Variants in SCHIP1 observed in about 807,000 individuals in gnomAD.
SCHIP1 encodes schwannomin-interacting protein 1.
SCHIP1 carries 8 observed loss-of-function variants against 29.7 expected under a neutral mutation model. The ratio of observed to expected loss-of-function variants is 0.27; its 90% CI spans 0.16 to 0.49. The LOEUF (loss-of-function observed/expected upper bound fraction) is 0.49. Ranked by LOEUF, SCHIP1 falls within the 20% of genes least tolerant of loss-of-function variation. The pLI is 0.99. For synonymous variants in SCHIP1, 76 were observed against 94.9 expected, an observed-to-expected ratio of 0.80 and a Z score of 1.16; for missense variants, 193 against 294.6, an observed-to-expected ratio of 0.66 and a Z score of 2.52.
At chr3:159,592,140 A>C in the SCHIP1 span, among the ~76,000 whole-genome samples, 1 of 152,032 alleles carries the variant, frequency 6.6e-6, no homozygotes, top group South Asian at 2.1e-4. Flanking sequence ...AGAGACCTTA[A>C]AACAGAATTG....
chr3:159,352,950 A>G, the SCHIP1 span, among the ~76,000 whole-genome samples: 2 of 152,130 alleles, frequency 1.3e-5, no homozygotes, highest in South Asian at 4.1e-4. Flanking sequence ...GAAAATTGTG[A>G]AGGTGGTAGA....
chr3:159,680,696 TA>T, the SCHIP1 span, among the ~76,000 whole-genome samples: 4 of 4,210 alleles, frequency 9.5e-4, no homozygotes, highest in Non-Finnish European at 1.6e-3. Context: ...TGTATATATA[TA>T]ATATATATTA....
the SCHIP1 span, among the ~76,000 whole-genome samples, chr3:159,469,787 A>G: frequency 3.3e-4 from 51 of 152,342 alleles, no homozygotes; most frequent in Admixed American, 2.6e-3. Context: ...ACAGTTCCAG[A>G]ACAAATCACA....
chr3:159,746,123 A>C, the SCHIP1 span, among the ~76,000 whole-genome samples: 1 of 152,226 alleles, frequency 6.6e-6, no homozygotes, highest in Non-Finnish European at 1.5e-5. Flanking sequence ...GACTGTTTCC[A>C]TAATGAAAAA....
the SCHIP1 span, among the ~76,000 whole-genome samples, chr3:159,529,395 G>C: frequency 1.3e-5 from 2 of 152,202 alleles, no homozygotes; most frequent in Admixed American, 6.5e-5. Flanking sequence ...TGCAAGTCAG[G>C]ATGTGGTATC....
At chr3:159,382,844 T>G in the SCHIP1 span, among the ~76,000 whole-genome samples, 1 of 152,230 alleles carries the variant, frequency 6.6e-6, no homozygotes, top group Admixed American at 6.5e-5. Flanking sequence ...GATTTGCATT[T>G]CTATGATGGC....
At chr3:159,837,550 G>A (rs1743783781), upstream of SCHIP1, among the ~76,000 whole-genome samples, 1 of 151,944 alleles carries the variant, frequency 6.6e-6, no homozygotes, top group Admixed American at 6.6e-5. Flanking sequence ...AGGTGAAACC[G>A]TGCCTCTACT....
the SCHIP1 span, among the ~76,000 whole-genome samples, chr3:159,388,900 A>G: frequency 6.6e-6 from 1 of 152,174 alleles, no homozygotes; most frequent in South Asian, 2.1e-4. Context: ...CATATATAAA[A>G]TAAATTCCAG....
chr3:159,589,666 A>C, the SCHIP1 span, among the ~76,000 whole-genome samples: 1 of 152,210 alleles, frequency 6.6e-6, no homozygotes, highest in Non-Finnish European at 1.5e-5. Context: ...CTGTTAACCA[A>C]GAGTATGGAT....
At chr3:159,478,103 A>T in the SCHIP1 span, among the ~76,000 whole-genome samples, 1 of 151,808 alleles carries the variant, frequency 6.6e-6, no homozygotes, top group Non-Finnish European at 1.5e-5. Context: ...TTGTATTTTT[A>T]GTAGAGATGG....
the SCHIP1 span, among the ~76,000 whole-genome samples, chr3:159,692,372 G>C: frequency 3.4e-5 from 5 of 146,936 alleles, no homozygotes; most frequent in Admixed American, 3.5e-4. Context: ...ATTAGACGTA[G>C]ATTTGGTCTT....
chr3:159,530,377 G>A, the SCHIP1 span, among the ~76,000 whole-genome samples: 1 of 152,144 alleles, frequency 6.6e-6, no homozygotes, highest in African/African-American at 2.4e-5. Context: ...GCTGCTGAAA[G>A]AGCTCTTGCT....
At chr3:159,876,544 G>A (rs1049798525) in intron 2 of SCHIP1, among the ~76,000 whole-genome samples, 7 of 152,096 alleles carry the variant, frequency 4.6e-5, no homozygotes, top group African/African-American at 7.2e-5. Flanking sequence ...ACAGTATTTC[G>A]TTATCCTTTT....
chr3:159,817,722 A>G, the SCHIP1 span, among the ~76,000 whole-genome samples: 1 of 152,188 alleles, frequency 6.6e-6, no homozygotes, highest in Non-Finnish European at 1.5e-5. Context: ...CAGAGAAGGA[A>G]TGGAGTGTAA....
chr3:159,425,134 TA>T, the SCHIP1 span, among the ~76,000 whole-genome samples: 2 of 151,452 alleles, frequency 1.3e-5, no homozygotes, highest in Admixed American at 6.6e-5. Context: ...CTGCATCAAC[TA>T]ACGAGCAAAA....
At chr3:159,780,832 T>G in the SCHIP1 span, among the ~76,000 whole-genome samples, 27 of 152,314 alleles carry the variant, frequency 1.8e-4, no homozygotes, top group South Asian at 5.6e-3. Flanking sequence ...TCTGGTGGTG[T>G]TAATACCAAG....
chr3:159,485,933 C>T, the SCHIP1 span, among the ~76,000 whole-genome samples: 1 of 152,120 alleles, frequency 6.6e-6, no homozygotes, highest in African/African-American at 2.4e-5. Flanking sequence ...TTACAACCTG[C>T]AAAAATCTTT....
the SCHIP1 span, among the ~76,000 whole-genome samples, chr3:159,713,206 A>G: frequency 7.1e-5 from 10 of 140,430 alleles, no homozygotes; most frequent in African/African-American, 1.1e-4. Context: ...GAAAGAAAGA[A>G]AGAGAGAGAG....
chr3:159,789,047 A>G, the SCHIP1 span, among the ~76,000 whole-genome samples: 1 of 152,162 alleles, frequency 6.6e-6, no homozygotes, highest in Non-Finnish European at 1.5e-5. Flanking sequence ...CATTTGAGAC[A>G]CTTCTAGTCC....
Sources: allele counts gnomAD v4.1 joint callset (sites outside exome capture counted in the v4.1 genomes callset), GRCh38; gene constraint gnomAD v4.1.1; transcripts MANE v1.5; gene names NCBI Gene and HGNC (gene_info 2026-07-23, HGNC 2026-07-21).